ESF1: variants seen among roughly 807,000 people sequenced by gnomAD.
ESF1 encodes ESF1 nucleolar pre-rRNA processing protein.
In ESF1, 58 loss-of-function variants were observed where a neutral mutation model predicts 92.0. The ratio of observed to expected loss-of-function variants is 0.63; its 90% CI spans 0.51 to 0.78. The LOEUF (loss-of-function observed/expected upper bound fraction) is 0.78. Ranked by LOEUF, ESF1 falls within the 30% of genes least tolerant of loss-of-function variation. The probability of loss-of-function intolerance (pLI) is 0.00; values close to 1 mark genes in which losing one functional copy is unlikely to be tolerated. For synonymous variants in ESF1, 321 were observed against 313.7 expected (o/e 1.02, Z -0.24); for missense variants, 922 against 989.1 (o/e 0.93, Z 0.91).
chr20:13,772,343 C>A (rs1979727385), intron 5 of ESF1, among the ~76,000 whole-genome samples, 172 bp downstream of exon 5: 1 of 152,058 alleles, frequency 6.6e-6, no homozygotes, highest in African/African-American at 2.4e-5. Flanking sequence ...GAACAAAAAT[C>A]TTCTTGGAAT....
chr20:13,761,405 C>CA (rs1191550998), intron 8 of ESF1, among the ~76,000 whole-genome samples: 2 of 132,632 alleles, frequency 1.5e-5, no homozygotes, highest in Non-Finnish European at 3.3e-5. Context: ...AATAAAAATA[C>CA]AAAAAATTAA....
chr20:13,751,980 A>G (rs904706019), intron 9 of ESF1, among the ~76,000 whole-genome samples: 1 of 152,156 alleles, frequency 6.6e-6, no homozygotes, highest in African/African-American at 2.4e-5. Flanking sequence ...AGGCGACAGA[A>G]GAATGTCTCA....
At chr20:13,746,157 G>A (rs947082354) in intron 9 of ESF1, among the ~76,000 whole-genome samples, 13 of 152,158 alleles carry the variant, frequency 8.5e-5, no homozygotes, top group Non-Finnish European at 1.6e-4. Context: ...TAGAGATGGG[G>A]TTTCACCATA....
chr20:13,742,712 T>C (rs1484599535), intron 9 of ESF1, among the ~76,000 whole-genome samples: 1 of 151,804 alleles, frequency 6.6e-6, no homozygotes, highest in Non-Finnish European at 1.5e-5. Flanking sequence ...ATCTTAGCAA[T>C]ATAATATTAA....
At chr20:13,715,291 G>T in intron 13 of ESF1, 124 bp from the exon 14 acceptor site, 1 of 907,038 alleles carries the variant, frequency 1.1e-6, no homozygotes, top group East Asian at 2.8e-5. Flanking sequence ...AAACCTGAGT[G>T]TTTGTACTGA....
intron 11 of ESF1, among the ~76,000 whole-genome samples, chr20:13,721,640 A>G (rs1568708311): frequency 6.6e-6 from 1 of 152,230 alleles, no homozygotes; most frequent in Non-Finnish European, 1.5e-5. Context: ...AAGAGGCTTT[A>G]GAAACTCCTC....
chr20:13,773,447 G>A (rs75074194), intron 4 of ESF1, among the ~76,000 whole-genome samples: 1,753 of 151,866 alleles, frequency 0.012, 31 homozygotes, highest in African/African-American at 0.04. Context: ...TAAAACACAG[G>A]GTTTTTAAAT....
At chr20:13,777,530 C>T (rs769911156) in intron 2 of ESF1, among the ~76,000 whole-genome samples, 103 of 152,170 alleles carry the variant, frequency 6.8e-4, no homozygotes, top group South Asian at 4.1e-4. Context: ...CTCATTCATA[C>T]GCAGTTGACA....
At chr20:13,770,546 C>G (rs1043195255) in intron 6 of ESF1, among the ~76,000 whole-genome samples, 3 of 152,194 alleles carry the variant, frequency 2.0e-5, no homozygotes, top group Admixed American at 6.5e-5. Flanking sequence ...CAGGGTCTCA[C>G]TATGTTGCCC....
chr20:13,759,136 G>C (rs1359437447), intron 9 of ESF1, among the ~76,000 whole-genome samples: 3 of 152,086 alleles, frequency 2.0e-5, no homozygotes, highest in African/African-American at 7.2e-5. Flanking sequence ...CATGAAAAAG[G>C]GGCAACTGCT....
chr20:13,773,823 C>T lies in ESF1; in HGVS notation c.1150-1208G>A, dbSNP rs139538468. ...TTTATTAGCTAGTCTAGGCCAGGCG[C>T]GGTGGCTCACACCTGTAATCCCAGC... On this transcript the variant is annotated intron_variant, in intron 4 of 13. Coordinates refer to ENST00000617257, the MANE Select transcript of ESF1 (RefSeq NM_001276380.2). Among the ~76,000 whole-genome samples, 798 of 152,202 alleles carry T rather than the reference C, an allele frequency of 5.2e-3. 1 individual carries two copies. Among genetic ancestry groups the T allele is most frequent in the Non-Finnish European group, 8.6e-3 (587 of 67,992 alleles).
chr20:13,780,074 C>T (rs553707635), intron 2 of ESF1, among the ~76,000 whole-genome samples: 2 of 152,120 alleles, frequency 1.3e-5, no homozygotes, highest in African/African-American at 2.4e-5. Flanking sequence ...TATATGGAGC[C>T]GTGTAATCCT....
intron 7 of ESF1, among the ~76,000 whole-genome samples, chr20:13,768,212 C>G (rs1368019113): frequency 6.6e-6 from 1 of 152,230 alleles, no homozygotes; most frequent in Non-Finnish European, 1.5e-5. Context: ...CAGCTACTCT[C>G]TCTGCTACCA....
chr20:13,725,283 T>C (rs1157452030), intron 11 of ESF1, among the ~76,000 whole-genome samples: 1 of 152,224 alleles, frequency 6.6e-6, no homozygotes, highest in Non-Finnish European at 1.5e-5. Context: ...TGTATTTACT[T>C]TTATTTCCCC....
chr20:13,784,570 C>T (rs560576080), intron 1 of ESF1, among the ~76,000 whole-genome samples: 17 of 152,196 alleles, frequency 1.1e-4, no homozygotes, highest in Middle Eastern at 3.4e-3. Flanking sequence ...CGCCCGCATC[C>T]CCGTAGCCCA....
At chr20:13,727,519 T>C (rs760837011) in intron 11 of ESF1, among the ~76,000 whole-genome samples, 6 of 152,008 alleles carry the variant, frequency 3.9e-5, no homozygotes, top group Non-Finnish European at 7.4e-5. Context: ...CAGCGTGGAG[T>C]TGCTCCAGGA....
intron 9 of ESF1, among the ~76,000 whole-genome samples, chr20:13,743,101 C>G (rs762201423): frequency 6.6e-6 from 1 of 152,080 alleles, no homozygotes. Flanking sequence ...AAACTATATA[C>G]AATGTTCCAA....
rs376140416 is a variant in ESF1 at position 13,718,899 on chromosome 20, G to A, written c.2115+9C>T. On this transcript the variant is annotated intron_variant, in intron 12 of 13. Coordinates refer to ENST00000617257, the MANE Select transcript of ESF1 (RefSeq NM_001276380.2). ...ATCCACTAAGCATGTAACAATAATC[G>A]TATTTTACCTTTTGTCTTTCTATTT... The A allele has an allele frequency of 5.5e-4, 872 of 1,586,648 alleles. No individual in the cohort carries two copies. Among genetic ancestry groups the A allele is most frequent in the Non-Finnish European group, 6.9e-4 (802 of 1,164,832 alleles).
intron 10 of ESF1, among the ~76,000 whole-genome samples, chr20:13,730,526 G>C (rs975388663): frequency 6.6e-6 from 1 of 151,702 alleles, no homozygotes; most frequent in Non-Finnish European, 1.5e-5. Flanking sequence ...TGGGACCACA[G>C]GTGCCCGCCA....
Sources: allele counts gnomAD v4.1 joint callset (sites outside exome capture counted in the v4.1 genomes callset), GRCh38; gene constraint gnomAD v4.1.1; transcripts MANE v1.5; gene names NCBI Gene and HGNC (gene_info 2026-07-23, HGNC 2026-07-21).